ATP1A2: variants seen among roughly 807,000 people sequenced by gnomAD.
ATP1A2 encodes the protein ATPase Na+/K+ transporting subunit alpha 2.
A neutral mutation model predicts 113.1 loss-of-function variants in ATP1A2; 56 were observed. That is an observed-to-expected ratio of 0.49 (90% confidence interval 0.40 to 0.62). The LOEUF (loss-of-function observed/expected upper bound fraction) is 0.62, where lower values mean the gene tolerates loss of function less well. Ranked by LOEUF, ATP1A2 falls within the 20% of genes least tolerant of loss-of-function variation. ATP1A2 has a pLI of 0.00. For missense variants in ATP1A2, 712 were observed against 1,357.8 expected (o/e 0.52, Z 7.47); for synonymous variants, 490 against 526.8 (o/e 0.93, Z 0.96).
At chr1:160,121,528 C>CT (rs1034022018) in intron 3 of ATP1A2, among the ~76,000 whole-genome samples, 10 of 152,252 alleles carry the variant, frequency 6.6e-5, no homozygotes, top group Non-Finnish European at 5.9e-5. Context: ...AGGCAGGGCC[C>CT]TTCCCTATAC....
intron 13 of ATP1A2, 105 bp from the exon 14 acceptor site, chr1:160,134,379 T>C: frequency 6.5e-7 from 1 of 1,549,202 alleles, no homozygotes; most frequent in Non-Finnish European, 8.8e-7. Flanking sequence ...GGATCTGCCA[T>C]CCCCAGACAT....
chr1:160,139,548 T>C (rs1485153976), intron 20 of ATP1A2, 92 bp from the exon 21 acceptor site: 1 of 1,078,124 alleles, frequency 9.3e-7, no homozygotes, highest in East Asian at 2.4e-5. Context: ...TTTAGAATTC[T>C]CTCTCCTCTT....
At chr1:160,138,606 C>CT (rs1652029358) in intron 20 of ATP1A2, among the ~76,000 whole-genome samples, 1 of 152,162 alleles carries the variant, frequency 6.6e-6, no homozygotes. Context: ...CTTTGGGAGG[C>CT]TGAGACAGGA....
chr1:160,122,799 G>A (rs1213141810), intron 3 of ATP1A2, among the ~76,000 whole-genome samples: 4 of 152,062 alleles, frequency 2.6e-5, no homozygotes, highest in South Asian at 2.1e-4. Flanking sequence ...TCCAGCCTGG[G>A]CAACATAGCA....
chr1:160,124,108 T>A, intron 5 of ATP1A2, 52 bp downstream of exon 5: 5 of 1,601,542 alleles, frequency 3.1e-6, no homozygotes, highest in Non-Finnish European at 4.3e-6. Flanking sequence ...TTGGCAAGAG[T>A]CCAGCTCATC....
intron 11 of ATP1A2, among the ~76,000 whole-genome samples, 169 bp downstream of exon 11, chr1:160,129,569 C>A (rs1348075011): frequency 6.6e-6 from 1 of 152,136 alleles, no homozygotes; most frequent in Non-Finnish European, 1.5e-5. Flanking sequence ...CTGATTGCAA[C>A]TAGCCCCAGC....
At chr1:160,118,646 C>T (rs996180821) in intron 1 of ATP1A2, among the ~76,000 whole-genome samples, 5 of 152,086 alleles carry the variant, frequency 3.3e-5, no homozygotes, top group East Asian at 1.9e-4. Flanking sequence ...GACAAACCCA[C>T]GATTTTACTG....
At position 160,143,364 on chromosome 1, in the gene ATP1A2, T is replaced by C. The variant is rs1268724258; in HGVS notation, c.*2042T>C. 4 of 152,632 alleles carry C rather than the reference T, an allele frequency of 2.6e-5. No homozygotes were observed. Among genetic ancestry groups the C allele is most frequent in the Non-Finnish European group, 5.9e-5 (4 of 68,030 alleles). The allele number at this position is 152,632 out of a possible 1,614,324, so 9.5% of individuals were successfully genotyped here. A position where few individuals can be genotyped will look rare whatever the true frequency, so the allele number is the denominator to read the frequency against. ...TTTAGTAAATTAAGAGCATAAACAA[T>C]ATTGCTAGAGGTGGCATGTTTAGTC... is the stretch of plus-strand genomic sequence containing the variant. On this transcript the variant is annotated 3_prime_UTR_variant, in exon 23 of 23. Transcript: ENST00000361216.
intron 1 of ATP1A2, among the ~76,000 whole-genome samples, chr1:160,119,966 G>A (rs1017476661): frequency 5.3e-5 from 8 of 151,650 alleles, no homozygotes; most frequent in Non-Finnish European, 1.0e-4. Context: ...AGGGTGCAGT[G>A]AGCTGAAATT....
At chr1:160,134,993 G>A in intron 14 of ATP1A2, 152 bp from the exon 15 acceptor site, 1 of 979,252 alleles carries the variant, frequency 1.0e-6, no homozygotes, top group Non-Finnish European at 1.6e-6. Context: ...AGAAATGGGG[G>A]AAGTGAGTAC....
At chr1:160,119,152 A>C (rs1651287291) in intron 1 of ATP1A2, among the ~76,000 whole-genome samples, 2 of 147,676 alleles carry the variant, frequency 1.4e-5, no homozygotes, top group South Asian at 4.2e-4. Context: ...ATATATGAGA[A>C]CTTTCTCTAC....
At chr1:160,134,231 C>CCACCCA (rs1651860971) in intron 13 of ATP1A2, among the ~76,000 whole-genome samples, 1 of 58,846 alleles carries the variant, frequency 1.7e-5, no homozygotes, top group African/African-American at 6.3e-5. Flanking sequence ...CACACAATCC[C>CCACCCA]CACCCACACA....
In ATP1A2 at chr1:160,136,969, G is replaced by A. The variant is rs1651973941; in HGVS notation, c.2778G>A (p.Val926=). 3.1e-6 allele frequency: 5 copies of A among 1,614,146 alleles called. No individual in the cohort carries two copies. The highest frequency in any genetic ancestry group is 4.2e-6 in the Non-Finnish European group (5 of 1,180,018). The change falls in exon 20 of 23, where the codon GTG becomes GTA. Residue 926 remains valine, a synonymous_variant. Transcript: ENST00000361216. ...CATTCTTTGCCAGCATCGTGGTGGTGCAGTGGGCTGACCTCATCATCTGCA... is the reference window on the plus strand; with the variant it reads ...CATTCTTTGCCAGCATCGTGGTGGTACAGTGGGCTGACCTCATCATCTGCA... The part of the protein sequence containing the change: ...HTAFFASIVV[V]QWADLIICKT...
intron 14 of ATP1A2, 88 bp downstream of exon 14, chr1:160,134,708 G>GC: frequency 6.3e-7 from 1 of 1,591,578 alleles, no homozygotes; most frequent in South Asian, 1.1e-5. Context: ...TATTTGGATA[G>GC]CATTTCTGGG....
chr1:160,137,281 C>A (rs1293552644), intron 20 of ATP1A2: 13 of 559,530 alleles, frequency 2.3e-5, no homozygotes, highest in East Asian at 1.7e-4. Flanking sequence ...CCTTCTTTCC[C>A]CCATCTCCTA....
At chr1:160,140,120 G>A (rs907952790) in intron 22 of ATP1A2, 136 bp downstream of exon 22, 1 of 884,830 alleles carries the variant, frequency 1.1e-6, no homozygotes, top group Admixed American at 2.0e-5. Context: ...TGGGGTCCCA[G>A]GTCCCAGGAG....
intron 2 of ATP1A2, 86 bp from the exon 3 acceptor site, chr1:160,121,106 T>A: frequency 6.2e-7 from 1 of 1,600,282 alleles, no homozygotes; most frequent in Non-Finnish European, 8.6e-7. Context: ...TCCCCCATGC[T>A]GCTCAACTCA....
intron 5 of ATP1A2, 55 bp from the exon 6 acceptor site, chr1:160,124,241 G>A (rs956049159): frequency 1.3e-6 from 2 of 1,561,294 alleles, no homozygotes; most frequent in African/African-American, 2.7e-5. Context: ...ACCAGCAGGA[G>A]AAGAAGGCAG....
intron 13 of ATP1A2, among the ~76,000 whole-genome samples, chr1:160,131,188 T>A (rs1283737573): frequency 6.6e-6 from 1 of 152,216 alleles, no homozygotes; most frequent in Admixed American, 6.5e-5. Flanking sequence ...GTAAACAATT[T>A]GTGTCACATG....
Sources: gnomAD v4.1 joint callset for allele counts (sites outside exome capture counted in the v4.1 genomes callset) on GRCh38, gnomAD v4.1.1 for gene constraint, MANE v1.5 for transcripts, NCBI Gene and HGNC (gene_info 2026-07-23, HGNC 2026-07-21) for gene names.